The following PPIB variants were observed in gnomAD, a reference collection of about 807,000 sequenced individuals.
The protein encoded by PPIB is peptidyl-prolyl cis-trans isomerase B.
A neutral mutation model predicts 20.1 loss-of-function variants in PPIB; 15 were observed. That is an observed-to-expected ratio of 0.75 (90% CI 0.50 to 1.15). The LOEUF (loss-of-function observed/expected upper bound fraction) is 1.15, where lower values mean the gene tolerates loss of function less well. Ranked by LOEUF, PPIB falls within the 50% of genes most tolerant of loss-of-function variation. The pLI is 0.00. For synonymous variants in PPIB, 129 were observed against 111.0 expected (o/e 1.16, Z -1.02); for missense variants, 278 against 283.0 (o/e 0.98, Z 0.13).
rs1436380201 is a variant in PPIB, at chr15:64,159,844, C to T, written c.343+260G>A. 3 of 574,942 alleles carry T rather than the reference C, an allele frequency of 5.2e-6. No homozygotes were observed. The highest frequency in any genetic ancestry group is 9.3e-6 in the Non-Finnish European group (3 of 321,138). The allele number at this position is 574,942 out of a possible 1,614,324, so 35.6% of individuals were successfully genotyped here. The stretch of plus-strand genomic sequence containing the variant: ...AGAGGTATCAGGAAAGGTCACCAGG[C>T]TATAGGCCTGGATCAGCAGGACGGT... On this transcript the variant is annotated intron_variant, in intron 3 of 4. Coordinates refer to ENST00000300026, the MANE Select transcript of PPIB (RefSeq NM_000942.5). The surrounding 1 kb of genome is among the most constrained non-coding windows in gnomAD (Gnocchi z 5.1).
In PPIB at chr15:64,162,980, G is replaced by C. The variant is rs896561035; in HGVS notation, c.7C>G (p.Arg3Gly). 1.2e-6 allele frequency: 2 copies of C among 1,612,886 alleles called. No individual in the cohort carries two copies. The highest frequency in any genetic ancestry group is 2.7e-5 in the African/African-American group (2 of 74,900). ...ACCTTCATGTTGCGTTCGGAGAGGC[G>C]CAGCATCCACAGGCGGAGGCGAAAG... ML[R>G]LSERNMKVLL... Residue 3 changes from arginine to glycine, a missense_variant, in exon 1 of 5, where the codon CGC becomes GGC. Arg to Gly is a moderately radical substitution (Grantham distance 125, BLOSUM62 -2). Coordinates refer to ENST00000300026, the MANE Select transcript of PPIB (RefSeq NM_000942.5).
Position 64,156,595 on chromosome 15 carries a change from G to C in PPIB, c.528+130C>G, listed in dbSNP as rs1156629520. ...GAGGTACAGGGTTTATTCTGGACAG[G>C]AGCACTGGGCTGCATCTGTGGGTTG... On this transcript the variant is annotated intron_variant, in intron 4 of 4. Transcript: ENST00000300026. This position sits in a 1 kb window ranked among gnomAD's most constrained non-coding sequence, Gnocchi z 6.4. The C allele has an allele frequency of 1.7e-5, 19 of 1,113,028 alleles. No homozygotes were observed. The highest frequency in any genetic ancestry group is 2.5e-5 in the Non-Finnish European group (18 of 726,148). The allele number at this position is 1,113,028 out of a possible 1,614,324, so 68.9% of individuals were successfully genotyped here. A position where few individuals can be genotyped will look rare whatever the true frequency, so the allele number is the denominator to read the frequency against.
In PPIB at chr15:64,161,417, C is replaced by A. The variant is rs933105237; in HGVS notation, c.249+624G>T. Among the ~76,000 whole-genome samples, 1 of 151,938 alleles carries A rather than the reference C, an allele frequency of 6.6e-6. No homozygotes were observed. The highest frequency in any genetic ancestry group is 2.4e-5 in the African/African-American group (1 of 41,352). On this transcript the variant is annotated intron_variant, in intron 2 of 4. Coordinates refer to ENST00000300026, the MANE Select transcript of PPIB (RefSeq NM_000942.5). This position sits in a 1 kb window ranked among gnomAD's most constrained non-coding sequence, Gnocchi z 4.2. Reference sequence around the variant, plus strand: ...GGGACCACAGGTGCACCCCGTCACACCCAGCTAATTAAAAAAAATTTTTTT... The same window carrying A: ...GGGACCACAGGTGCACCCCGTCACAACCAGCTAATTAAAAAAAATTTTTTT...
rs746857197 is a variant in PPIB, at chr15:64,162,052, C to G, written c.238G>C (p.Ala80Pro). The part of the protein sequence containing the change: ...PKTVDNFVAL[A>P]TGEKGFGYKN... ...CTCCAGCCACTTACCTCTCCTGTAG[C>G]TAAGGCCACAAAATTATCCACTGTT... The change falls in exon 2 of 5, where the codon GCT (alanine) becomes CCT (proline). Residue 80 changes from alanine to proline, a missense_variant. Coordinates refer to ENST00000300026, the MANE Select transcript of PPIB (RefSeq NM_000942.5). 2 of 1,612,340 alleles carry G rather than the reference C, an allele frequency of 1.2e-6. No individual in the cohort carries two copies. The highest frequency in any genetic ancestry group is 1.7e-6 in the Non-Finnish European group (2 of 1,178,332).
At position 64,156,687 on chromosome 15, in the gene PPIB, A is replaced by C; in HGVS notation, c.528+38T>G. The C allele has an allele frequency of 6.2e-7, 1 of 1,610,766 alleles. No homozygotes were observed. Among genetic ancestry groups the C allele is most frequent in the Non-Finnish European group, 8.5e-7 (1 of 1,176,956 alleles). On this transcript the variant is annotated intron_variant, in intron 4 of 4. Coordinates refer to ENST00000300026, the MANE Select transcript of PPIB (RefSeq NM_000942.5). This position sits in a 1 kb window ranked among gnomAD's most constrained non-coding sequence, Gnocchi z 6.4. ...TGGGGTCTGTGTTGAATCCCCGGTGAGGATTGCCCAGTAGTAGCCCTTGCT... is the reference window on the plus strand; with the variant it reads ...TGGGGTCTGTGTTGAATCCCCGGTGCGGATTGCCCAGTAGTAGCCCTTGCT...
At position 64,158,130 on chromosome 15, in the gene PPIB, C is replaced by T. The variant is rs992515846; in HGVS notation, c.344-1221G>A. Among the ~76,000 whole-genome samples the T allele has an allele frequency of 6.6e-6, 1 of 152,212 alleles. No homozygotes were observed. The highest frequency in any genetic ancestry group is 6.5e-5 in the Admixed American group (1 of 15,284). On this transcript the variant is annotated intron_variant, in intron 3 of 4. Transcript: ENST00000300026. This position sits in a 1 kb window ranked among gnomAD's most constrained non-coding sequence, Gnocchi z 4.7. ...ACATTTCTATTTAAACTCAACATAC[C>T]TTGTCATCTTTCTCTCCAGACCTCA...
Position 64,156,505 on chromosome 15 carries a change from C to G in PPIB, c.528+220G>C, listed in dbSNP as rs539370673. 1 of 654,928 alleles carries G rather than the reference C, an allele frequency of 1.5e-6. No individual in the cohort carries two copies. Among genetic ancestry groups the G allele is most frequent in the Non-Finnish European group, 2.7e-6 (1 of 373,170 alleles). 40.6% of individuals were successfully genotyped at this position (654,928 alleles called of 1,614,324 possible). A position where few individuals can be genotyped will look rare whatever the true frequency, so the allele number is the denominator to read the frequency against. ...GTGAAGGAGGGGAGGGAGGCTCTGG[C>G]AGTTGTGCAGCCTTCCTGGCTGGGC... On this transcript the variant is annotated intron_variant, in intron 4 of 4. Coordinates refer to ENST00000300026, the MANE Select transcript of PPIB (RefSeq NM_000942.5). This position sits in a 1 kb window ranked among gnomAD's most constrained non-coding sequence, Gnocchi z 6.4.
In PPIB at chr15:64,160,817, T is replaced by C. The variant is rs750383602; in HGVS notation, c.250-620A>G. 1.6e-4 allele frequency among the ~76,000 whole-genome samples: 25 copies of C among 152,068 alleles called. No homozygotes were observed. Among genetic ancestry groups the C allele is most frequent in the South Asian group, 2.1e-4 (1 of 4,818 alleles). On this transcript the variant is annotated intron_variant, in intron 2 of 4. Transcript: ENST00000300026. This position sits in a 1 kb window ranked among gnomAD's most constrained non-coding sequence, Gnocchi z 4.8. ...ATGTGCCACCACAATGCCCAGCTGA[T>C]TTCTGTATTTTTAGTAGAGATGGGG...
chr15:64,156,212 C>T lies in PPIB; in HGVS notation c.529-67G>A, dbSNP rs1184590379. The T allele has an allele frequency of 6.3e-7, 1 of 1,597,744 alleles. No homozygotes were observed. Among genetic ancestry groups the T allele is most frequent in the African/African-American group, 1.3e-5 (1 of 74,676 alleles). ...GAGGTCCACCGCTCAGGAGAAAGGCCCCAGCGTATGGCTCAGGAGGGCTAA... is the reference window on the plus strand; with the variant it reads ...GAGGTCCACCGCTCAGGAGAAAGGCTCCAGCGTATGGCTCAGGAGGGCTAA... On this transcript the variant is annotated intron_variant, in intron 4 of 4. Coordinates refer to ENST00000300026, the MANE Select transcript of PPIB (RefSeq NM_000942.5). This position sits in a 1 kb window ranked among gnomAD's most constrained non-coding sequence, Gnocchi z 6.4.
intron 1 of PPIB, 40 bp from the exon 2 acceptor site, chr15:64,162,194 G>A (rs776822723): frequency 2.0e-6 from 3 of 1,476,164 alleles, no homozygotes; most frequent in Non-Finnish European, 1.9e-6. Flanking sequence ...TTCTTTAAAG[G>A]GGCGTTGCTA....
At chr15:64,162,266 G>A (rs2081567471) in intron 1 of PPIB, 112 bp from the exon 2 acceptor site, 2 of 813,976 alleles carry the variant, frequency 2.5e-6, no homozygotes, top group Non-Finnish European at 4.4e-6. Context: ...CATATTTTTA[G>A]AGAAGTGGTT....
In PPIB at chr15:64,155,931, G is replaced by C. The variant is rs1043001; in HGVS notation, c.*92C>G. ...TGAGGGGAGTGGGTCCGCTCCACCAGATGCCAGCACCGGGGCCAGTGCAGC... is the reference window on the plus strand; with the variant it reads ...TGAGGGGAGTGGGTCCGCTCCACCACATGCCAGCACCGGGGCCAGTGCAGC... On this transcript the variant is annotated 3_prime_UTR_variant, in exon 5 of 5. Coordinates refer to ENST00000300026, the MANE Select transcript of PPIB (RefSeq NM_000942.5). The C allele has an allele frequency of 1.3e-6, 2 of 1,596,808 alleles. No homozygotes were observed. Among genetic ancestry groups the C allele is most frequent in the South Asian group, 2.2e-5 (2 of 90,642 alleles).
chr15:64,160,123 G>C lies in PPIB; in HGVS notation c.324C>G (p.Thr108=). 1 of 1,613,756 alleles carries C rather than the reference G, an allele frequency of 6.2e-7. No individual in the cohort carries two copies. The highest frequency in any genetic ancestry group is 8.5e-7 in the Non-Finnish European group (1 of 1,179,648). ...GGTTACCTCCTGTGCCATCTCCCCT[G>C]GTGAAGTCTCCGCCCTGGATCATGA... is the stretch of plus-strand genomic sequence containing the variant. ...KDFMIQGGDF[T]RGDGTGGKSI... Residue 108 remains threonine, a synonymous_variant, in exon 3 of 5, where the codon ACC becomes ACG. Transcript: ENST00000300026. This position sits in a 1 kb window ranked among gnomAD's most constrained non-coding sequence, Gnocchi z 4.8.
chr15:64,162,530 A>G (rs1010894715), intron 1 of PPIB, among the ~76,000 whole-genome samples: 2 of 152,254 alleles, frequency 1.3e-5, no homozygotes, highest in South Asian at 4.1e-4. Context: ...ATTTGGCTTA[A>G]GGAGAGAAAG....
In PPIB at chr15:64,160,042, C is replaced by A. The variant is rs756196772; in HGVS notation, c.343+62G>T. The A allele has an allele frequency of 2.8e-6, 4 of 1,419,378 alleles. No homozygotes were observed. The African/African-American group carries it at 5.7e-5, about 20-fold the overall frequency. The allele number at this position is 1,419,378 out of a possible 1,614,324, so 87.9% of individuals were successfully genotyped here. A position where few individuals can be genotyped will look rare whatever the true frequency, so the allele number is the denominator to read the frequency against. On this transcript the variant is annotated intron_variant, in intron 3 of 4. Transcript: ENST00000300026. This position sits in a 1 kb window ranked among gnomAD's most constrained non-coding sequence, Gnocchi z 4.8. ...AGAGGCCTGGTCTCCCCAGCAGAAC[C>A]TGGCCCTCCCACTGTGGAGGCTACA... is the stretch of plus-strand genomic sequence containing the variant.
At position 64,156,191 on chromosome 15, in the gene PPIB, T is replaced by A. The variant is rs754493288; in HGVS notation, c.529-46A>T. On this transcript the variant is annotated intron_variant, in intron 4 of 4. Transcript: ENST00000300026. The surrounding 1 kb of genome is among the most constrained non-coding windows in gnomAD (Gnocchi z 6.4). ...CAGGAGGGCATGGTGGATCAGGAGGTCCACCGCTCAGGAGAAAGGCCCCAG... is the reference window on the plus strand; with the variant it reads ...CAGGAGGGCATGGTGGATCAGGAGGACCACCGCTCAGGAGAAAGGCCCCAG... The A allele has an allele frequency of 1.2e-6, 2 of 1,611,872 alleles. No homozygotes were observed. Among genetic ancestry groups the A allele is most frequent in the Non-Finnish European group, 1.7e-6 (2 of 1,179,092 alleles).
rs1009744627 is a variant in PPIB at position 64,161,466 on chromosome 15, C to T, written c.249+575G>A. Among the ~76,000 whole-genome samples the T allele has an allele frequency of 1.3e-5, 2 of 151,814 alleles. No homozygotes were observed. Among genetic ancestry groups the T allele is most frequent in the African/African-American group, 4.8e-5 (2 of 41,368 alleles). ...TTTGGCCGGGCATAGTGGCTCACAC[C>T]TCTAATCCCAGCACTTTGGGAGGCC... On this transcript the variant is annotated intron_variant, in intron 2 of 4. Coordinates refer to ENST00000300026, the MANE Select transcript of PPIB (RefSeq NM_000942.5). This position sits in a 1 kb window ranked among gnomAD's most constrained non-coding sequence, Gnocchi z 4.2.
Position 64,156,535 on chromosome 15 carries a change from AG to A in PPIB, c.528+189del, listed in dbSNP as rs1376896832. 4.8e-5 allele frequency: 36 copies of A among 757,378 alleles called. No homozygotes were observed. The highest frequency in any genetic ancestry group is 6.3e-5 in the Non-Finnish European group (28 of 445,430). The allele number at this position is 757,378 out of a possible 1,614,324, so 46.9% of individuals were successfully genotyped here. A position where few individuals can be genotyped will look rare whatever the true frequency, so the allele number is the denominator to read the frequency against. On this transcript the variant is annotated intron_variant, in intron 4 of 4. Coordinates refer to ENST00000300026, the MANE Select transcript of PPIB (RefSeq NM_000942.5). The surrounding 1 kb of genome is among the most constrained non-coding windows in gnomAD (Gnocchi z 6.4). ...GTGCAGCCTTCCTGGCTGGGCTCTG[AG>A]GGGGCTGGAAGAATTTAGAACCTTG... is the stretch of plus-strand genomic sequence containing the variant.
At position 64,156,026 on chromosome 15, in the gene PPIB, C is replaced by T. The variant is rs2081527698; in HGVS notation, c.648G>A (p.Glu216=). The change falls in exon 5 of 5, where the codon GAG becomes GAA. Residue 216 remains glutamate (E), a synonymous_variant. Coordinates refer to ENST00000300026, the MANE Select transcript of PPIB (RefSeq NM_000942.5). This position sits in a 1 kb window ranked among gnomAD's most constrained non-coding sequence, Gnocchi z 6.4. ...EVEKPFAIAK[E] The stretch of plus-strand genomic sequence containing the variant: ...CAAAGAAAGATGTCCCTGTGCCCTA[C>T]TCCTTGGCGATGGCAAAGGGCTTCT... 1 of 1,614,170 alleles carries T rather than the reference C, an allele frequency of 6.2e-7. No individual in the cohort carries two copies. Among genetic ancestry groups the T allele is most frequent in the Non-Finnish European group, 8.5e-7 (1 of 1,180,022 alleles).
Sources: allele counts gnomAD v4.1 joint callset (sites outside exome capture counted in the v4.1 genomes callset), GRCh38; gene constraint gnomAD v4.1.1; non-coding constraint Gnocchi (gnomAD v3.1); transcripts MANE v1.5; gene names NCBI Gene and HGNC (gene_info 2026-07-23, HGNC 2026-07-21).